The following NEK1 variants were observed in gnomAD, a reference collection of about 807,000 sequenced individuals.
NEK1 encodes the protein serine/threonine-protein kinase Nek1.
A neutral mutation model predicts 182.1 loss-of-function variants in NEK1; 137 were observed. The observed-to-expected ratio is 0.75, with a 90% CI of 0.65 to 0.87. The LOEUF is 0.87. Ranked by LOEUF, NEK1 falls within the 40% of genes least tolerant of loss-of-function variation. The pLI is 0.00. For missense variants in NEK1, 1,391 were observed against 1,494.4 expected (o/e 0.93, Z 1.14); for synonymous variants, 513 against 492.2 (o/e 1.04, Z -0.56).
chr4:169,560,325 T>C (rs1472629522), intron 16 of NEK1, among the ~76,000 whole-genome samples: 1 of 152,210 alleles, frequency 6.6e-6, no homozygotes, highest in Non-Finnish European at 1.5e-5. Flanking sequence ...ATTTTCTTGC[T>C]AGTTGCTCAT....
At chr4:169,600,314 A>G (rs1293974426) in intron 4 of NEK1, among the ~76,000 whole-genome samples, 1 of 151,954 alleles carries the variant, frequency 6.6e-6, no homozygotes, top group East Asian at 1.9e-4. Flanking sequence ...CTTAGCTTCC[A>G]GAGTAGGTGG....
intron 31 of NEK1, among the ~76,000 whole-genome samples, chr4:169,412,849 A>G (rs1019260367): frequency 2.1e-5 from 3 of 142,722 alleles, no homozygotes; most frequent in Admixed American, 6.9e-5. Context: ...TTCAGGAGCC[A>G]TAGGTCTCTG....
intron 31 of NEK1, among the ~76,000 whole-genome samples, chr4:169,416,765 T>C (rs1028702490): frequency 6.6e-6 from 1 of 152,044 alleles, no homozygotes; most frequent in Admixed American, 6.6e-5. Context: ...ATTAGCCAGA[T>C]ATGGTGAAGC....
intron 23 of NEK1, among the ~76,000 whole-genome samples, chr4:169,485,632 A>G (rs1748903889): frequency 6.6e-6 from 1 of 152,230 alleles, no homozygotes; most frequent in Non-Finnish European, 1.5e-5. Context: ...TTCATATAAG[A>G]GAAAAATATA....
intron 21 of NEK1, among the ~76,000 whole-genome samples, 158 bp from the exon 22 acceptor site, chr4:169,507,950 C>T (rs146453899): frequency 8.4e-4 from 128 of 152,242 alleles, no homozygotes; most frequent in Non-Finnish European, 1.6e-3. Flanking sequence ...ACTGAACTCT[C>T]CACCACTATC....
chr4:169,494,306 T>A (rs1186665194), intron 23 of NEK1, among the ~76,000 whole-genome samples: 2 of 152,088 alleles, frequency 1.3e-5, no homozygotes, highest in Non-Finnish European at 2.9e-5. Flanking sequence ...TGTCCATGTG[T>A]TCTCATTGTT....
At chr4:169,553,872 T>G (rs1483637955) in intron 18 of NEK1, among the ~76,000 whole-genome samples, 7 of 152,202 alleles carry the variant, frequency 4.6e-5, no homozygotes, top group Admixed American at 3.9e-4. Flanking sequence ...GCAACAGGAA[T>G]TCTTAATCAC....
intron 8 of NEK1, 63 bp from the exon 9 acceptor site, chr4:169,587,676 CACAA>C: frequency 1.0e-6 from 1 of 990,054 alleles, no homozygotes; most frequent in South Asian, 1.6e-5. Flanking sequence ...TTAAAGGAAA[CACAA>C]ACAGCATAAA....
intron 2 of NEK1, among the ~76,000 whole-genome samples, chr4:169,609,829 C>T (rs917621697): frequency 6.6e-6 from 1 of 152,100 alleles, no homozygotes; most frequent in Non-Finnish European, 1.5e-5. Flanking sequence ...AGTAAGAATA[C>T]TGGCTAAATC....
At chr4:169,548,351 G>A (rs1430662592) in intron 18 of NEK1, among the ~76,000 whole-genome samples, 1 of 152,198 alleles carries the variant, frequency 6.6e-6, no homozygotes, top group African/African-American at 2.4e-5. Flanking sequence ...TCGTCCCAAA[G>A]GGGCACCCGC....
chr4:169,588,600 A>C, intron 8 of NEK1, 49 bp downstream of exon 8: 1 of 1,148,320 alleles, frequency 8.7e-7, no homozygotes, highest in African/African-American at 1.5e-5. Context: ...ACATGACAAC[A>C]AAAAAATTGA....
At chr4:169,562,514 T>A (rs974551129) in intron 12 of NEK1, among the ~76,000 whole-genome samples, 6 of 151,996 alleles carry the variant, frequency 3.9e-5, no homozygotes, top group African/African-American at 1.4e-4. Context: ...ATGGAGATAA[T>A]TTTTTTAAAA....
rs373633784 is a variant in NEK1 at position 169,508,979 on chromosome 4, G to A, written c.1666-127C>T. The A allele has an allele frequency of 4.0e-4, 272 of 678,450 alleles. 2 individuals are homozygous for A. The highest frequency in any genetic ancestry group is 8.1e-4 in the Middle Eastern group (2 of 2,472). The allele number at this position is 678,450 out of a possible 1,614,324, so 42.0% of individuals were successfully genotyped here. On this transcript the variant is annotated intron_variant, in intron 19 of 35. Coordinates refer to ENST00000507142, the MANE Select transcript of NEK1 (RefSeq NM_001199397.3). ...TGACCATTTATTGATGATAAACTGT[G>A]ATAACAAACCCTGGCGTTTTCCTAT...
At chr4:169,398,799 C>A (rs915241949) in intron 35 of NEK1, among the ~76,000 whole-genome samples, 1 of 152,132 alleles carries the variant, frequency 6.6e-6, no homozygotes, top group Non-Finnish European at 1.5e-5. Context: ...AATACAAATA[C>A]ATTTTATAAA....
chr4:169,414,001 G>A (rs4283619), intron 31 of NEK1, among the ~76,000 whole-genome samples: 133,484 of 152,194 alleles, frequency 0.88, 58,657 homozygotes, highest in Middle Eastern at 0.94. Context: ...TGGGTGACAG[G>A]GTGAGACTCA....
chr4:169,549,017 GAA>G (rs907300519), intron 18 of NEK1, among the ~76,000 whole-genome samples: 1 of 151,984 alleles, frequency 6.6e-6, no homozygotes, highest in Admixed American at 6.6e-5. Context: ...ACTAGGGTAT[GAA>G]AAAAAACTCC....
chr4:169,546,780 A>G (rs903403221), intron 18 of NEK1, among the ~76,000 whole-genome samples: 3 of 152,162 alleles, frequency 2.0e-5, no homozygotes, highest in Non-Finnish European at 4.4e-5. Context: ...CTGTTTTATC[A>G]GAGACTAGGA....
chr4:169,435,570 T>A (rs569389896), intron 28 of NEK1, among the ~76,000 whole-genome samples: 69 of 152,308 alleles, frequency 4.5e-4, no homozygotes, highest in African/African-American at 1.4e-3. Context: ...GCATGGTGAT[T>A]CCCTTGAGTA....
Position 169,552,545 on chromosome 4 carries a change from T to C in NEK1, c.1562+3175A>G, listed in dbSNP as rs537733587. 3.5e-4 allele frequency among the ~76,000 whole-genome samples: 53 copies of C among 152,222 alleles called. No homozygotes were observed. The South Asian group carries it at 6.0e-3, about 17-fold the overall frequency. On this transcript the variant is annotated intron_variant, in intron 18 of 35. Transcript: ENST00000507142. ...CAACATCAGGAACAAGACAAAGATGTCCTTCTCAACATTACTTTTCAACAT... is the reference window on the plus strand; with the variant it reads ...CAACATCAGGAACAAGACAAAGATGCCCTTCTCAACATTACTTTTCAACAT...
Sources: gnomAD v4.1 joint callset for allele counts (sites outside exome capture counted in the v4.1 genomes callset) on GRCh38, gnomAD v4.1.1 for gene constraint, MANE v1.5 for transcripts, NCBI Gene and HGNC (gene_info 2026-07-23, HGNC 2026-07-21) for gene names.